Variants in AHDC1 observed in about 807,000 individuals in gnomAD.
The protein encoded by AHDC1 is AT-hook DNA binding motif containing 1.
In AHDC1, 7 loss-of-function variants were observed where a neutral mutation model predicts 87.9. The observed-to-expected ratio is 0.08, with a 90% CI of 0.05 to 0.15. The LOEUF is 0.15. AHDC1 is among the 10% of genes least tolerant of loss of function. The pLI is 1.00. For synonymous variants in AHDC1, 1,051 were observed against 1,006.8 expected, an observed-to-expected ratio of 1.04 and a Z score of -0.83; for missense variants, 1,841 against 2,253.2, an observed-to-expected ratio of 0.82 and a Z score of 3.70.
In AHDC1 at chr1:27,595,842, G is replaced by C. The variant is rs1170994024; in HGVS notation, c.-629+7555C>G. 6.6e-6 allele frequency among the ~76,000 whole-genome samples: 1 copy of C among 151,436 alleles called. No individual in the cohort carries two copies. The highest frequency in any genetic ancestry group is 2.4e-5 in the African/African-American group (1 of 40,832). On this transcript the variant is annotated intron_variant, in intron 3 of 8. Transcript: ENST00000673934. The surrounding 1 kb of genome is among the most constrained non-coding windows in gnomAD (Gnocchi z 4.0). The stretch of plus-strand genomic sequence containing the variant: ...GTGGGTAAGCATGTGGTGGTTGTGT[G>C]TTTGGGGGTATGTGCATGTGAGGTA...
At chr1:27,604,024 T>C (rs1173399600) in intron 1 of AHDC1, 82 bp downstream of exon 1, 1 of 142,890 alleles carries the variant, frequency 7.0e-6, no homozygotes, top group Non-Finnish European at 1.5e-5. Flanking sequence ...GGTGGCTCGC[T>C]CTGCCCGCCC....
At chr1:27,583,718 A>G (rs1291796377) in intron 3 of AHDC1, among the ~76,000 whole-genome samples, 1 of 152,008 alleles carries the variant, frequency 6.6e-6, no homozygotes, top group Non-Finnish European at 1.5e-5. Context: ...CCCTCTCCCT[A>G]TTAGCTGTGT....
intron 3 of AHDC1, among the ~76,000 whole-genome samples, chr1:27,594,016 G>A (rs2089297505): frequency 6.6e-6 from 1 of 152,128 alleles, no homozygotes; most frequent in Non-Finnish European, 1.5e-5. Context: ...TGGGGGCTGT[G>A]AGCAATACCC....
Position 27,547,822 on chromosome 1 carries a change from C to A in AHDC1, c.4294G>T (p.Ala1432Ser). 2 of 1,549,108 alleles carry A rather than the reference C, an allele frequency of 1.3e-6. No individual in the cohort carries two copies. Among genetic ancestry groups the A allele is most frequent in the Non-Finnish European group, 1.7e-6 (2 of 1,145,846 alleles). Residue 1432 changes from alanine to serine, a missense_variant, in exon 8 of 9, where the codon GCC becomes TCC. Ala to Ser is a moderately conservative substitution (Grantham distance 99). This residue lies in a region of AHDC1 where 505 missense variants were observed against 626.2 expected (regional missense o/e 0.81). Coordinates refer to ENST00000673934, the MANE Select transcript of AHDC1 (RefSeq NM_001371928.1). The surrounding 1 kb of genome is among the most constrained non-coding windows in gnomAD (Gnocchi z 4.9). ...CEPLKHGLQG[A>S]SLGHAAAAQA... is the part of the protein sequence containing the mutation. ...GCTGCAGCTGCGTGGCCCAGGCTGG[C>A]CCCCTGGAGTCCATGCTTGAGGGGC...
intron 3 of AHDC1, among the ~76,000 whole-genome samples, chr1:27,581,752 G>A (rs1449708782): frequency 6.6e-6 from 1 of 152,142 alleles, no homozygotes; most frequent in Non-Finnish European, 1.5e-5. Flanking sequence ...ACCTTTAACA[G>A]CTCCCTACTG....
At chr1:27,539,570 C>T (rs1458888543) in intron 8 of AHDC1, among the ~76,000 whole-genome samples, 1 of 151,928 alleles carries the variant, frequency 6.6e-6, no homozygotes. Flanking sequence ...CTCAGCCTCC[C>T]GAGTAGCTGG....
At chr1:27,575,737 C>G (rs1271501575) in intron 3 of AHDC1, among the ~76,000 whole-genome samples, 1 of 151,778 alleles carries the variant, frequency 6.6e-6, no homozygotes, top group Admixed American at 6.6e-5. Flanking sequence ...GGGGCCAAGC[C>G]GGCCGCCCCT....
Position 27,563,615 on chromosome 1 carries a change from G to A in AHDC1, c.-628-4732C>T, listed in dbSNP as rs1329125337. 6.6e-6 allele frequency among the ~76,000 whole-genome samples: 1 copy of A among 152,164 alleles called. No homozygotes were observed. Among genetic ancestry groups the A allele is most frequent in the East Asian group, 1.9e-4 (1 of 5,198 alleles). ...CCTGCAGAGGCGTCACAGCTCACACGGCATGAATGTCACCCCAGCACTGCC... is the reference window on the plus strand; with the variant it reads ...CCTGCAGAGGCGTCACAGCTCACACAGCATGAATGTCACCCCAGCACTGCC... On this transcript the variant is annotated intron_variant, in intron 3 of 8. Transcript: ENST00000673934. This position sits in a 1 kb window ranked among gnomAD's most constrained non-coding sequence, Gnocchi z 6.1.
Position 27,562,106 on chromosome 1 carries a change from A to G in AHDC1, c.-628-3223T>C, listed in dbSNP as rs1234573269. ...GAGCCTGAGAAAGAGGCAGCGAAGC[A>G]GAGGCAGGGTGGGCCGGGGAGAAGG... On this transcript the variant is annotated intron_variant, in intron 3 of 8. Coordinates refer to ENST00000673934, the MANE Select transcript of AHDC1 (RefSeq NM_001371928.1). This position sits in a 1 kb window ranked among gnomAD's most constrained non-coding sequence, Gnocchi z 4.4. Among the ~76,000 whole-genome samples, 2 of 152,068 alleles carry G rather than the reference A, an allele frequency of 1.3e-5. No homozygotes were observed. The highest frequency in any genetic ancestry group is 2.9e-5 in the Non-Finnish European group (2 of 67,982).
At position 27,595,324 on chromosome 1, in the gene AHDC1, T is replaced by A. The variant is rs1008502001; in HGVS notation, c.-629+8073A>T. ...GGGGGCTGTGGGCAGAGTGTGTGTG[T>A]CTGGGGAGGTGTCAGGGCTTTGAGG... On this transcript the variant is annotated intron_variant, in intron 3 of 8. Coordinates refer to ENST00000673934, the MANE Select transcript of AHDC1 (RefSeq NM_001371928.1). This position sits in a 1 kb window ranked among gnomAD's most constrained non-coding sequence, Gnocchi z 4.0. Among the ~76,000 whole-genome samples, 4 of 151,812 alleles carry A rather than the reference T, an allele frequency of 2.6e-5. No homozygotes were observed. Among genetic ancestry groups the A allele is most frequent in the African/African-American group, 9.7e-5 (4 of 41,248 alleles).
chr1:27,582,914 C>T (rs1474185638), intron 3 of AHDC1, among the ~76,000 whole-genome samples: 1 of 152,084 alleles, frequency 6.6e-6, no homozygotes, highest in Non-Finnish European at 1.5e-5. Context: ...GGGTTTATTT[C>T]TATTTCTCTT....
At chr1:27,592,731 G>A (rs1175317332) in intron 3 of AHDC1, among the ~76,000 whole-genome samples, 4 of 152,178 alleles carry the variant, frequency 2.6e-5, no homozygotes, top group East Asian at 3.9e-4. Flanking sequence ...TGGAGGGGCC[G>A]GAACGCAGGA....
chr1:27,539,333 T>C (rs1255816270), intron 8 of AHDC1, among the ~76,000 whole-genome samples: 1 of 151,178 alleles, frequency 6.6e-6, no homozygotes, highest in Non-Finnish European at 1.5e-5. Context: ...GATGGGGTCT[T>C]ACTATGTTGC....
At chr1:27,592,818 G>A (rs1264050291) in intron 3 of AHDC1, among the ~76,000 whole-genome samples, 4 of 152,196 alleles carry the variant, frequency 2.6e-5, no homozygotes, top group African/African-American at 9.6e-5. Flanking sequence ...AGGGCTGGGG[G>A]TGGGACGAAA....
Position 27,548,845 on chromosome 1 carries a change from A to C in AHDC1, c.3271T>G (p.Ser1091Ala). ...CAGTTCTCGGGCGAGGGCTGGAAGG[A>C]GGAGGAGGAGGAGGAGGCGGCAGAG... The part of the protein sequence containing the change: ...AASAASSSSS[S>A]FQPSPENCRQ... The change falls in exon 8 of 9, where the codon TCC (serine) becomes GCC (alanine). Residue 1091 changes from serine (S) to alanine (A), a missense_variant. Physicochemically the swap from Ser to Ala is moderately conservative, Grantham distance 99 (BLOSUM62 1). Coordinates refer to ENST00000673934, the MANE Select transcript of AHDC1 (RefSeq NM_001371928.1). 3.7e-6 allele frequency: 6 copies of C among 1,611,872 alleles called. No individual in the cohort carries two copies. Among genetic ancestry groups the C allele is most frequent in the Non-Finnish European group, 5.1e-6 (6 of 1,179,540 alleles).
chr1:27,565,573 A>G lies in AHDC1; in HGVS notation c.-628-6690T>C, dbSNP rs72886307. Among the ~76,000 whole-genome samples the G allele has an allele frequency of 0.027, 4,117 of 152,258 alleles. 171 individuals are homozygous for G. Among genetic ancestry groups the G allele is most frequent in the African/African-American group, 0.093 (3,877 of 41,504 alleles). On this transcript the variant is annotated intron_variant, in intron 3 of 8. Coordinates refer to ENST00000673934, the MANE Select transcript of AHDC1 (RefSeq NM_001371928.1). The surrounding 1 kb of genome is among the most constrained non-coding windows in gnomAD (Gnocchi z 4.6). ...TGTCTGGTGTCCCCCGGCGCTGGTG[A>G]GCAAGGGGCGGGAGTCACTCTAGTC...
At position 27,549,073 on chromosome 1, in the gene AHDC1, C is replaced by T. The variant is rs1039583400; in HGVS notation, c.3043G>A (p.Ala1015Thr). The change falls in exon 8 of 9, where the codon GCC (alanine) becomes ACC (threonine). Residue 1015 changes from alanine (A) to threonine (T), a missense_variant. Transcript: ENST00000673934. ...GGTGGGGCATAGCCGGCGCTGTGGG[C>T]GCTGCTGGGTGAGGCAGGGAGGCTG... The part of the protein sequence containing the change: ...GNSLPASPSS[A>T]HSAGYAPPPT... The T allele has an allele frequency of 4.5e-6, 7 of 1,563,294 alleles. No homozygotes were observed. Among genetic ancestry groups the T allele is most frequent in the Middle Eastern group, 1.7e-4 (1 of 5,816 alleles).
In AHDC1 at chr1:27,566,821, G is replaced by C. The variant is rs376603462; in HGVS notation, c.-628-7938C>G. Among the ~76,000 whole-genome samples, 5 of 130,574 alleles carry C rather than the reference G, an allele frequency of 3.8e-5. No individual in the cohort carries two copies. In the East Asian group the frequency reaches 1.3e-3, roughly 35 times the overall value. The allele number at this position is 130,574 out of a possible 152,430, so 85.7% of individuals were successfully genotyped here. A position where few individuals can be genotyped will look rare whatever the true frequency, so the allele number is the denominator to read the frequency against. ...GGGCAGTTGGCTGCTAGGGTGGGGG[G>C]AAGAAGGAGCAGAGCTGTCGAGGGA... On this transcript the variant is annotated intron_variant, in intron 3 of 8. Coordinates refer to ENST00000673934, the MANE Select transcript of AHDC1 (RefSeq NM_001371928.1).
intron 3 of AHDC1, among the ~76,000 whole-genome samples, chr1:27,568,493 G>A (rs1005391668): frequency 2.6e-5 from 4 of 152,118 alleles, no homozygotes; most frequent in African/African-American, 7.2e-5. Flanking sequence ...GGCCTTCAAC[G>A]GTCTCCCCGC....
Sources: gnomAD v4.1 joint callset for allele counts (sites outside exome capture counted in the v4.1 genomes callset) on GRCh38, gnomAD v4.1.1 for gene constraint, gnomAD v4.1.1 regional missense constraint, Gnocchi (gnomAD v3.1) non-coding constraint, MANE v1.5 for transcripts, NCBI Gene and HGNC (gene_info 2026-07-23, HGNC 2026-07-21) for gene names.